The following ENTREP2 variants were observed in gnomAD, a reference collection of about 807,000 sequenced individuals.
ENTREP2 encodes the protein protein ENTREP2.
the ENTREP2 span, among the ~76,000 whole-genome samples, chr15:29,585,470 A>C: frequency 6.6e-6 from 1 of 152,236 alleles, no homozygotes; most frequent in Admixed American, 6.5e-5. Flanking sequence ...ACACACATGA[A>C]AAGATGATCA....
the ENTREP2 span, among the ~76,000 whole-genome samples, chr15:29,247,381 T>C: frequency 1.7e-4 from 26 of 152,330 alleles, no homozygotes; most frequent in East Asian, 2.3e-3. Context: ...AAAGTGCATC[T>C]AGAAGACTAA....
the ENTREP2 span, among the ~76,000 whole-genome samples, chr15:29,261,293 G>A: frequency 1.3e-5 from 2 of 152,296 alleles, no homozygotes; most frequent in Admixed American, 6.5e-5. Flanking sequence ...AAGGAGGATC[G>A]CTTGAGCCCA....
the ENTREP2 span, among the ~76,000 whole-genome samples, chr15:29,253,512 G>A: frequency 1.4e-5 from 2 of 147,178 alleles, no homozygotes; most frequent in African/African-American, 5.0e-5. Context: ...GCACAATCTC[G>A]GCTCATTGCA....
chr15:29,187,798 G>A, the ENTREP2 span, among the ~76,000 whole-genome samples: 1 of 152,188 alleles, frequency 6.6e-6, no homozygotes, highest in South Asian at 2.1e-4. Flanking sequence ...GAGAAATGCC[G>A]GGCAGTGAGG....
At chr15:29,437,291 A>G in the ENTREP2 span, among the ~76,000 whole-genome samples, 2 of 150,088 alleles carry the variant, frequency 1.3e-5, no homozygotes, top group East Asian at 3.9e-4. Context: ...TTAAAGAAAA[A>G]AAACATAACT....
chr15:29,456,683 T>G, the ENTREP2 span, among the ~76,000 whole-genome samples: 2 of 152,184 alleles, frequency 1.3e-5, no homozygotes, highest in South Asian at 4.1e-4. Context: ...TAAACCAAGA[T>G]GAACACAAAT....
chr15:29,490,977 T>C, the ENTREP2 span, among the ~76,000 whole-genome samples: 1 of 152,200 alleles, frequency 6.6e-6, no homozygotes, highest in Non-Finnish European at 1.5e-5. Flanking sequence ...GGGAGCCCAC[T>C]GCAGGGGGCA....
chr15:29,176,414 G>C, the ENTREP2 span, among the ~76,000 whole-genome samples: 2 of 152,164 alleles, frequency 1.3e-5, no homozygotes, highest in Non-Finnish European at 2.9e-5. Flanking sequence ...ATGAGGGGCA[G>C]GCTCTCCTGG....
chr15:29,379,580 T>C, the ENTREP2 span, among the ~76,000 whole-genome samples: 1 of 152,074 alleles, frequency 6.6e-6, no homozygotes, highest in Non-Finnish European at 1.5e-5. Context: ...ACTCTGAACA[T>C]TCTACTCCTG....
chr15:29,190,612 C>G, the ENTREP2 span, among the ~76,000 whole-genome samples: 1 of 152,090 alleles, frequency 6.6e-6, no homozygotes, highest in Non-Finnish European at 1.5e-5. Context: ...GGGGAGGGTG[C>G]CTGACAGGAA....
chr15:29,652,517 G>A, the ENTREP2 span, among the ~76,000 whole-genome samples: 1 of 152,268 alleles, frequency 6.6e-6, no homozygotes. Context: ...CAGGTGAAGA[G>A]TGGGAAAGAA....
the ENTREP2 span, among the ~76,000 whole-genome samples, chr15:29,587,573 C>T: frequency 6.6e-6 from 1 of 152,286 alleles, no homozygotes; most frequent in South Asian, 2.1e-4. Flanking sequence ...AACTCATTAT[C>T]TTAAAACCTG....
At chr15:29,307,660 C>A in the ENTREP2 span, among the ~76,000 whole-genome samples, 36 of 152,148 alleles carry the variant, frequency 2.4e-4, no homozygotes, top group Non-Finnish European at 4.3e-4. Flanking sequence ...TAACTAAGAT[C>A]ACAAGGGTAG....
At chr15:29,649,239 G>A in the ENTREP2 span, among the ~76,000 whole-genome samples, 1 of 152,146 alleles carries the variant, frequency 6.6e-6, no homozygotes, top group Admixed American at 6.6e-5. Flanking sequence ...ACAATTAAAA[G>A]TTAAGGCACA....
the ENTREP2 span, among the ~76,000 whole-genome samples, chr15:29,281,354 G>C: frequency 6.6e-6 from 1 of 152,156 alleles, no homozygotes; most frequent in Non-Finnish European, 1.5e-5. Context: ...ATAAGTGACG[G>C]GTTTAGGAGT....
At chr15:29,240,899 A>G in the ENTREP2 span, among the ~76,000 whole-genome samples, 1 of 152,160 alleles carries the variant, frequency 6.6e-6, no homozygotes, top group South Asian at 2.1e-4. Flanking sequence ...AGCGACCATC[A>G]TATCATCATC....
the ENTREP2 span, among the ~76,000 whole-genome samples, chr15:29,338,425 C>CAA: frequency 0.033 from 2,676 of 80,518 alleles, 119 homozygotes; most frequent in African/African-American, 0.1. Context: ...GACTCCATCT[C>CAA]AAAAAAAAAA....
the ENTREP2 span, among the ~76,000 whole-genome samples, chr15:29,183,517 CTG>C: frequency 6.6e-6 from 1 of 152,210 alleles, no homozygotes; most frequent in Non-Finnish European, 1.5e-5. Context: ...TAATGAGAAA[CTG>C]GGAACAACCC....
At chr15:29,269,724 C>CT in the ENTREP2 span, 6 of 1,500,738 alleles carry the variant, frequency 4.0e-6, no homozygotes, top group Non-Finnish European at 4.4e-6. Flanking sequence ...CGGCAGGTGC[C>CT]GGCGCACACT....
Sources: gnomAD v4.1 joint callset for allele counts (sites outside exome capture counted in the v4.1 genomes callset) on GRCh38, gnomAD v4.1.1 for gene constraint, MANE v1.5 for transcripts, NCBI Gene and HGNC (gene_info 2026-07-23, HGNC 2026-07-21) for gene names.